NELL1: variants seen among roughly 807,000 people sequenced by gnomAD.
NELL1 encodes neural EGFL like 1.
NELL1 carries 76 observed loss-of-function variants against 107.4 expected under a neutral mutation model. That is an observed-to-expected ratio of 0.71 (90% CI 0.59 to 0.86). The LOEUF (loss-of-function observed/expected upper bound fraction) is 0.86. NELL1 is among the 40% of genes least tolerant of loss of function. The pLI is 0.00. For missense variants in NELL1, 1,024 were observed against 1,005.5 expected (o/e 1.02, Z -0.25); for synonymous variants, 353 against 341.2 (o/e 1.03, Z -0.38).
At chr11:21,299,450 G>A (rs1170711927) in intron 14 of NELL1, among the ~76,000 whole-genome samples, 1 of 150,956 alleles carries the variant, frequency 6.6e-6, no homozygotes, top group Non-Finnish European at 1.5e-5. Flanking sequence ...GGAAAAAGTA[G>A]TCCTGATTAG....
At chr11:20,961,019 G>T (rs1037742758) in intron 12 of NELL1, among the ~76,000 whole-genome samples, 2 of 152,072 alleles carry the variant, frequency 1.3e-5, no homozygotes, top group Non-Finnish European at 2.9e-5. Flanking sequence ...TTTTTAGTGG[G>T]TTTCTTCGTG....
chr11:20,675,546 T>G (rs1854033653), intron 1 of NELL1, among the ~76,000 whole-genome samples: 2 of 152,128 alleles, frequency 1.3e-5, no homozygotes, highest in Non-Finnish European at 2.9e-5. Flanking sequence ...GCTTCCTTCT[T>G]CTTGCGTCTG....
At position 20,816,550 on chromosome 11, in the gene NELL1, G is replaced by A. The variant is rs978535576; in HGVS notation, c.336-31033G>A. ...TCAGTTATAGGAGTCTTTTAGTGGA[G>A]TCTTTAGGGATTTCTAGGTATGGAA... On this transcript the variant is annotated intron_variant, in intron 3 of 19. Coordinates refer to ENST00000357134, the MANE Select transcript of NELL1 (RefSeq NM_006157.5). 2.0e-5 allele frequency among the ~76,000 whole-genome samples: 3 copies of A among 152,256 alleles called. No homozygotes were observed. In the East Asian group the frequency reaches 5.8e-4, roughly 29 times the overall value.
intron 3 of NELL1, among the ~76,000 whole-genome samples, chr11:20,836,598 G>A (rs992477448): frequency 3.4e-5 from 5 of 146,384 alleles, no homozygotes; most frequent in African/African-American, 1.2e-4. Flanking sequence ...GCATGATTAA[G>A]CCATGCAAAG....
At chr11:21,376,284 G>T (rs1252681230) in intron 15 of NELL1, among the ~76,000 whole-genome samples, 1 of 152,084 alleles carries the variant, frequency 6.6e-6, no homozygotes, top group Non-Finnish European at 1.5e-5. Flanking sequence ...AGCTATCTCA[G>T]CACCATTTAT....
At chr11:20,689,885 A>G (rs1009935919) in intron 2 of NELL1, among the ~76,000 whole-genome samples, 9 of 151,172 alleles carry the variant, frequency 6.0e-5, no homozygotes, top group Admixed American at 1.3e-4. Flanking sequence ...TGGTTGAACT[A>G]GTTTACAGTC....
At chr11:21,373,273 G>T (rs1851397315) in intron 15 of NELL1, among the ~76,000 whole-genome samples, 1 of 152,048 alleles carries the variant, frequency 6.6e-6, no homozygotes. Flanking sequence ...GAAAATCTGT[G>T]CCATTATCTT....
At chr11:21,076,178 C>T (rs1439091199) in intron 12 of NELL1, among the ~76,000 whole-genome samples, 1 of 152,208 alleles carries the variant, frequency 6.6e-6, no homozygotes, top group East Asian at 1.9e-4. Context: ...GAAGCAGGCT[C>T]AACGCCTTCA....
chr11:20,938,078 C>T (rs1850765468), intron 10 of NELL1, among the ~76,000 whole-genome samples: 1 of 152,052 alleles, frequency 6.6e-6, no homozygotes, highest in Admixed American at 6.6e-5. Context: ...TTGGAAGAAG[C>T]TATTAAGGCA....
intron 2 of NELL1, among the ~76,000 whole-genome samples, chr11:20,708,940 C>A (rs1028710598): frequency 6.6e-6 from 1 of 152,062 alleles, no homozygotes; most frequent in Non-Finnish European, 1.5e-5. Context: ...GCATTAGATT[C>A]TTAAAAGGAG....
At chr11:21,341,581 G>T (rs889883295) in intron 14 of NELL1, among the ~76,000 whole-genome samples, 1 of 152,168 alleles carries the variant, frequency 6.6e-6, no homozygotes, top group Non-Finnish European at 1.5e-5. Context: ...ATACTGGAGG[G>T]TAAAGAAGGA....
intron 3 of NELL1, among the ~76,000 whole-genome samples, chr11:20,820,282 C>G (rs1214258149): frequency 6.6e-6 from 1 of 152,178 alleles, no homozygotes; most frequent in African/African-American, 2.4e-5. Flanking sequence ...GGAAGGCAGA[C>G]AGTCCTGTAT....
At chr11:21,401,032 G>A in intron 15 of NELL1, among the ~76,000 whole-genome samples, 1 of 151,896 alleles carries the variant, frequency 6.6e-6, no homozygotes. Flanking sequence ...ATGTCACAGA[G>A]CTATAGAAAG....
chr11:20,754,395 A>G (rs974872171), intron 2 of NELL1, among the ~76,000 whole-genome samples: 1 of 152,046 alleles, frequency 6.6e-6, no homozygotes, highest in African/African-American at 2.4e-5. Context: ...TGAAGGATGA[A>G]CCCTAGGGCC....
At chr11:20,685,469 T>TC (rs1045923959) in intron 2 of NELL1, among the ~76,000 whole-genome samples, 1 of 152,086 alleles carries the variant, frequency 6.6e-6, no homozygotes, top group Non-Finnish European at 1.5e-5. Context: ...TCACCACAGC[T>TC]CTGTTAATAT....
intron 15 of NELL1, among the ~76,000 whole-genome samples, chr11:21,465,204 G>A (rs1242259034): frequency 6.6e-6 from 1 of 152,020 alleles, no homozygotes; most frequent in Non-Finnish European, 1.5e-5. Flanking sequence ...AGAAGCAGGG[G>A]CCCTAGAGTT....
At chr11:21,513,137 C>CCAAT (rs1411801986) in intron 15 of NELL1, among the ~76,000 whole-genome samples, 1 of 152,126 alleles carries the variant, frequency 6.6e-6, no homozygotes, top group Non-Finnish European at 1.5e-5. Flanking sequence ...CTTGTCAATG[C>CCAAT]CAATCAGTCT....
chr11:20,688,953 T>C (rs190354322), intron 2 of NELL1, among the ~76,000 whole-genome samples: 1 of 152,184 alleles, frequency 6.6e-6, no homozygotes, highest in Non-Finnish European at 1.5e-5. Context: ...TCTTTAGTAA[T>C]AGCCATTCTG....
At chr11:21,001,628 G>A (rs1852223285) in intron 12 of NELL1, among the ~76,000 whole-genome samples, 1 of 152,016 alleles carries the variant, frequency 6.6e-6, no homozygotes, top group African/African-American at 2.4e-5. Flanking sequence ...AAGAAAGAGG[G>A]GAATGCCTAT....
Sources: gnomAD v4.1 joint callset for allele counts (sites outside exome capture counted in the v4.1 genomes callset) on GRCh38, gnomAD v4.1.1 for gene constraint, MANE v1.5 for transcripts, NCBI Gene and HGNC (gene_info 2026-07-23, HGNC 2026-07-21) for gene names.